PRKCA: variants seen among roughly 807,000 people sequenced by gnomAD.
The protein encoded by PRKCA is protein kinase C alpha type.
Under a neutral mutation model 87.0 loss-of-function variants are expected in PRKCA, and 27 were observed. The observed-to-expected ratio is 0.31, with a 90% CI of 0.23 to 0.43. PRKCA has a LOEUF of 0.43. PRKCA is among the 20% of genes least tolerant of loss of function. The pLI is 1.00. For missense variants in PRKCA, 518 were observed against 852.3 expected, an observed-to-expected ratio of 0.61 and a Z score of 4.88; for synonymous variants, 329 against 311.1, an observed-to-expected ratio of 1.06 and a Z score of -0.61.
At chr17:66,437,720 C>CTTTTTTTTT (rs567333890) in intron 2 of PRKCA, among the ~76,000 whole-genome samples, 530 of 32,818 alleles carry the variant, frequency 0.016, 175 homozygotes, top group East Asian at 0.064. Flanking sequence ...TTCAAGTTTC[C>CTTTTTTTTT]TTTTTTTTTT....
At chr17:66,485,545 C>T (rs1162487905) in intron 2 of PRKCA, among the ~76,000 whole-genome samples, 1 of 152,154 alleles carries the variant, frequency 6.6e-6, no homozygotes. Context: ...TACCTTCCAT[C>T]CTCTCAGAAT....
chr17:66,420,342 G>T (rs1912419014), intron 2 of PRKCA, among the ~76,000 whole-genome samples: 1 of 152,116 alleles, frequency 6.6e-6, no homozygotes. Flanking sequence ...TGAAGCATCA[G>T]CTTTGTCTAA....
chr17:66,344,333 T>C (rs1003290430), intron 2 of PRKCA, among the ~76,000 whole-genome samples: 1 of 152,206 alleles, frequency 6.6e-6, no homozygotes, highest in Non-Finnish European at 1.5e-5. Flanking sequence ...TATGTTTTTT[T>C]GACTATGCTG....
intron 2 of PRKCA, among the ~76,000 whole-genome samples, chr17:66,423,333 A>C (rs375379713): frequency 7.9e-5 from 12 of 152,314 alleles, no homozygotes; most frequent in African/African-American, 1.9e-4. Flanking sequence ...CATAGTGAAA[A>C]GTTGTGCTTA....
At chr17:66,314,810 G>A (rs1289789247) in intron 2 of PRKCA, among the ~76,000 whole-genome samples, 1 of 151,828 alleles carries the variant, frequency 6.6e-6, no homozygotes, top group African/African-American at 2.4e-5. Context: ...CAGGAAAACT[G>A]GTAGTTTTGA....
chr17:66,507,941 T>A (rs974033528), intron 3 of PRKCA, among the ~76,000 whole-genome samples: 2 of 152,236 alleles, frequency 1.3e-5, no homozygotes, highest in East Asian at 1.9e-4. Flanking sequence ...GACAGAGAAG[T>A]AGATTTCCCA....
At chr17:66,434,277 A>T (rs1193953577) in intron 2 of PRKCA, among the ~76,000 whole-genome samples, 1 of 39,310 alleles carries the variant, frequency 2.5e-5, no homozygotes, top group Non-Finnish European at 1.4e-4. Context: ...TGGGAGTGTG[A>T]ATGGAAGACA....
intron 2 of PRKCA, among the ~76,000 whole-genome samples, chr17:66,405,267 G>A (rs149608568): frequency 0.011 from 1,618 of 152,328 alleles, 9 homozygotes; most frequent in Admixed American, 0.014. Context: ...CACAGCTGGT[G>A]AACCTGCTGT....
At chr17:66,577,281 C>T (rs149688695) in intron 3 of PRKCA, among the ~76,000 whole-genome samples, 152 of 152,228 alleles carry the variant, frequency 1.0e-3, no homozygotes, top group African/African-American at 3.4e-3. Flanking sequence ...GAGAGTCCGG[C>T]GATGGGGATC....
At chr17:66,311,403 C>T (rs1305170895) in intron 2 of PRKCA, among the ~76,000 whole-genome samples, 2 of 152,084 alleles carry the variant, frequency 1.3e-5, no homozygotes, top group Non-Finnish European at 2.9e-5. Context: ...ATTGCTTGAG[C>T]CCAGAACTTT....
At chr17:66,531,926 A>C (rs755845154) in intron 3 of PRKCA, among the ~76,000 whole-genome samples, 1 of 151,992 alleles carries the variant, frequency 6.6e-6, no homozygotes, top group Non-Finnish European at 1.5e-5. Flanking sequence ...GTGGAATTTG[A>C]TTTTCCCAGA....
In PRKCA at chr17:66,587,182, T is replaced by C. The variant is rs190301433; in HGVS notation, c.289-54173T>C. Among the ~76,000 whole-genome samples the C allele has an allele frequency of 2.6e-5, 4 of 152,308 alleles. No homozygotes were observed. The East Asian group carries it at 7.7e-4, about 29-fold the overall frequency. ...CTCTTCCCGTTTTCCTACAGTTCTATGAACATTTCTTTCTAACACAATGTT... is the reference window on the plus strand; with the variant it reads ...CTCTTCCCGTTTTCCTACAGTTCTACGAACATTTCTTTCTAACACAATGTT... On this transcript the variant is annotated intron_variant, in intron 3 of 16. Coordinates refer to ENST00000413366, the MANE Select transcript of PRKCA (RefSeq NM_002737.3).
chr17:66,627,001 C>A (rs1457870680), intron 3 of PRKCA, among the ~76,000 whole-genome samples: 1 of 152,188 alleles, frequency 6.6e-6, no homozygotes, highest in East Asian at 1.9e-4. Flanking sequence ...CATAACCTCC[C>A]TCTGCAGAGC....
rs144270540 is a variant in PRKCA at position 66,506,644 on chromosome 17, A to G, written c.288+10361A>G. ...CTTAATACCCAAGAGTAGCCGTCTC[A>G]TCAGCATCATTATTACGGCTGATGC... On this transcript the variant is annotated intron_variant, in intron 3 of 16. Transcript: ENST00000413366. Among the ~76,000 whole-genome samples the G allele has an allele frequency of 7.2e-5, 11 of 152,312 alleles. No homozygotes were observed. In the South Asian group the frequency reaches 1.7e-3, roughly 23 times the overall value.
At chr17:66,592,998 G>T (rs922075443) in intron 3 of PRKCA, among the ~76,000 whole-genome samples, 26 of 152,038 alleles carry the variant, frequency 1.7e-4, no homozygotes, top group Non-Finnish European at 3.5e-4. Flanking sequence ...CACCACATTG[G>T]TCAGGCTGGT....
At chr17:66,487,572 G>A (rs1350866066) in intron 2 of PRKCA, among the ~76,000 whole-genome samples, 1 of 152,168 alleles carries the variant, frequency 6.6e-6, no homozygotes, top group Non-Finnish European at 1.5e-5. Flanking sequence ...GTAGCTCTGT[G>A]TTTAGTTGTT....
chr17:66,345,285 T>C (rs900763411), intron 2 of PRKCA, among the ~76,000 whole-genome samples: 1 of 152,226 alleles, frequency 6.6e-6, no homozygotes, highest in African/African-American at 2.4e-5. Context: ...TGTGTGTGTA[T>C]TTAAATTGTG....
chr17:66,744,076 T>C (rs144050911), intron 13 of PRKCA, among the ~76,000 whole-genome samples: 219 of 152,246 alleles, frequency 1.4e-3, no homozygotes, highest in Non-Finnish European at 2.2e-3. Flanking sequence ...GGAAGCTGCT[T>C]TTTATTCCTT....
Position 66,641,486 on chromosome 17 carries a change from C to G in PRKCA, c.400+20C>G. ...GTGACAGTAAGTAAGTTTTCTTTTC[C>G]AGTTCATAGCGAGGCTCTGTAGCTC... On this transcript the variant is annotated intron_variant, in intron 4 of 16. Transcript: ENST00000413366. The G allele has an allele frequency of 6.4e-7, 1 of 1,569,678 alleles. No individual in the cohort carries two copies.
Sources: allele counts gnomAD v4.1 joint callset (sites outside exome capture counted in the v4.1 genomes callset), GRCh38; gene constraint gnomAD v4.1.1; transcripts MANE v1.5; gene names NCBI Gene and HGNC (gene_info 2026-07-23, HGNC 2026-07-21).